ANKRD31: variants seen among roughly 807,000 people sequenced by gnomAD.
The protein encoded by ANKRD31 is ankyrin repeat domain 31, also known as ankyrin repeat domain-containing protein 31.
ANKRD31 carries 147 observed loss-of-function variants against 186.0 expected under a neutral mutation model. The ratio of observed to expected loss-of-function variants is 0.79; its 90% confidence interval spans 0.69 to 0.91. ANKRD31 has a LOEUF of 0.91. ANKRD31 is among the 40% of genes least tolerant of loss of function. ANKRD31 has a pLI of 0.00. For synonymous variants in ANKRD31, 673 were observed against 736.4 expected, an observed-to-expected ratio of 0.91 and a Z score of 1.39; for missense variants, 1,986 against 2,148.8, an observed-to-expected ratio of 0.92 and a Z score of 1.50.
intron 3 of ANKRD31, among the ~76,000 whole-genome samples, chr5:75,220,013 A>G (rs1757185835): frequency 6.6e-6 from 1 of 152,200 alleles, no homozygotes; most frequent in East Asian, 1.9e-4. Context: ...AGATCTAAAT[A>G]TAAAACGTAA....
chr5:75,077,316 C>CT (rs1479122473), intron 25 of ANKRD31, among the ~76,000 whole-genome samples: 1 of 152,188 alleles, frequency 6.6e-6, no homozygotes, highest in Non-Finnish European at 1.5e-5. Context: ...AGCAGTCCTC[C>CT]TGCCTTGGCC....
intron 17 of ANKRD31, among the ~76,000 whole-genome samples, chr5:75,126,491 G>C (rs530982197): frequency 6.6e-6 from 1 of 152,264 alleles, no homozygotes; most frequent in African/African-American, 2.4e-5. Flanking sequence ...CCAGCTGATA[G>C]ACATTTGGGG....
intron 22 of ANKRD31, among the ~76,000 whole-genome samples, chr5:75,094,285 C>T (rs1044374619): frequency 1.3e-5 from 2 of 152,094 alleles, no homozygotes; most frequent in Non-Finnish European, 2.9e-5. Context: ...TTCCTTTCTT[C>T]CATCAGCTTC....
chr5:75,109,847 T>A (rs1180103257), intron 20 of ANKRD31, among the ~76,000 whole-genome samples: 1 of 151,604 alleles, frequency 6.6e-6, no homozygotes, highest in East Asian at 1.9e-4. Flanking sequence ...AAATAGAAGC[T>A]GAGAGAAGAC....
intron 2 of ANKRD31, among the ~76,000 whole-genome samples, chr5:75,227,741 G>A (rs1017621223): frequency 6.6e-6 from 1 of 151,856 alleles, no homozygotes; most frequent in Admixed American, 6.6e-5. Flanking sequence ...CCAATCCCTG[G>A]ACCACGGACC....
chr5:75,111,522 A>T (rs1259182765), intron 20 of ANKRD31, among the ~76,000 whole-genome samples: 1 of 152,174 alleles, frequency 6.6e-6, no homozygotes, highest in Non-Finnish European at 1.5e-5. Context: ...TGATTTTTTT[A>T]AAGACTATAC....
At chr5:75,206,351 A>G (rs1166517317) in intron 5 of ANKRD31, 60 bp downstream of exon 5, 2 of 862,014 alleles carry the variant, frequency 2.3e-6, no homozygotes, top group Admixed American at 9.5e-5. Flanking sequence ...TATCTAACTA[A>G]GTCTTCTATT....
intron 10 of ANKRD31, among the ~76,000 whole-genome samples, chr5:75,169,949 G>C (rs1313716370): frequency 6.6e-6 from 1 of 152,072 alleles, no homozygotes; most frequent in Non-Finnish European, 1.5e-5. Context: ...CCCTGGGGAG[G>C]GGGTGGGAGC....
At chr5:75,131,182 G>A (rs529256718) in intron 17 of ANKRD31, among the ~76,000 whole-genome samples, 6 of 152,170 alleles carry the variant, frequency 3.9e-5, no homozygotes, top group African/African-American at 1.4e-4. Context: ...CCCATGAGAA[G>A]AGGGAGTGGG....
At chr5:75,102,909 G>A (rs878872321) in intron 22 of ANKRD31, among the ~76,000 whole-genome samples, 1 of 152,122 alleles carries the variant, frequency 6.6e-6, no homozygotes, top group Admixed American at 6.5e-5. Flanking sequence ...CCCTGTTTCG[G>A]CTCACACTCT....
chr5:75,129,049 G>A (rs1749509775), intron 17 of ANKRD31, among the ~76,000 whole-genome samples: 1 of 152,142 alleles, frequency 6.6e-6, no homozygotes, highest in Admixed American at 6.5e-5. Flanking sequence ...GGGTCTGGTG[G>A]GAGGTGATTG....
intron 18 of ANKRD31, 69 bp downstream of exon 18, chr5:75,118,066 C>A: frequency 8.4e-7 from 1 of 1,185,338 alleles, no homozygotes. Flanking sequence ...ATTTACACAA[C>A]AAATCAGAAG....
intron 10 of ANKRD31, among the ~76,000 whole-genome samples, chr5:75,176,608 T>C (rs1163794517): frequency 2.0e-5 from 3 of 152,182 alleles, no homozygotes; most frequent in Non-Finnish European, 1.5e-5. Flanking sequence ...CTGCTGCTGA[T>C]ACCCAGACAA....
chr5:75,236,434 G>T, intron 1 of ANKRD31, 149 bp downstream of exon 1: 1 of 603,140 alleles, frequency 1.7e-6, no homozygotes, highest in Non-Finnish European at 2.8e-6. Context: ...CAAGCTCTCA[G>T]CTCAGGCACG....
Position 75,147,392 on chromosome 5 carries a change from T to C in ANKRD31, c.2019A>G (p.Ile673Met), listed in dbSNP as rs1453255101. Residue 673 changes from isoleucine to methionine, a missense_variant, in exon 14 of 26, where the codon ATA (isoleucine) becomes ATG (methionine). Transcript: ENST00000506364. ...VNKGSKASLF[I>M]NKEDVYEYYQ... ...AATATTCATATACATCTTCTTTATTTATAAATAAACTCGCTTTGCTTCCTT... is the reference window on the plus strand; with the variant it reads ...AATATTCATATACATCTTCTTTATTCATAAATAAACTCGCTTTGCTTCCTT... The C allele has an allele frequency of 1.6e-5, 25 of 1,523,556 alleles. No individual in the cohort carries two copies. Among genetic ancestry groups the C allele is most frequent in the Non-Finnish European group, 2.0e-5 (23 of 1,141,828 alleles). 94.4% of individuals were successfully genotyped at this position (1,523,556 alleles called of 1,614,324 possible).
intron 15 of ANKRD31, among the ~76,000 whole-genome samples, chr5:75,143,256 G>C (rs1411553848): frequency 6.6e-6 from 1 of 152,062 alleles, no homozygotes; most frequent in Non-Finnish European, 1.5e-5. Context: ...CCTTATCTTA[G>C]GGTTCTTAAC....
chr5:75,169,327 C>T (rs1175121009), intron 10 of ANKRD31, among the ~76,000 whole-genome samples: 1 of 152,116 alleles, frequency 6.6e-6, no homozygotes, highest in African/African-American at 2.4e-5. Flanking sequence ...TACCCCTCAA[C>T]TCTGCTGTGC....
At chr5:75,218,158 G>C (rs936228763) in intron 3 of ANKRD31, among the ~76,000 whole-genome samples, 5 of 151,938 alleles carry the variant, frequency 3.3e-5, no homozygotes, top group Admixed American at 1.3e-4. Flanking sequence ...TCCAGAAGTT[G>C]GTTTTTTGGA....
intron 11 of ANKRD31, among the ~76,000 whole-genome samples, chr5:75,162,654 A>C (rs912059877): frequency 2.0e-5 from 3 of 152,052 alleles, no homozygotes; most frequent in Non-Finnish European, 2.9e-5. Context: ...CCCCAGCCAA[A>C]TCTCCTCTTG....
Sources: allele counts gnomAD v4.1 joint callset (sites outside exome capture counted in the v4.1 genomes callset), GRCh38; gene constraint gnomAD v4.1.1; transcripts MANE v1.5; gene names NCBI Gene and HGNC (gene_info 2026-07-23, HGNC 2026-07-21).